The following CNBD2 variants were observed in gnomAD, a reference collection of about 807,000 sequenced individuals.
CNBD2 encodes the protein cyclic nucleotide-binding domain-containing protein 2.
CNBD2 carries 64 observed loss-of-function variants against 63.7 expected under a neutral mutation model. That is an observed-to-expected ratio of 1.00 (90% CI 0.82 to 1.24). The LOEUF (loss-of-function observed/expected upper bound fraction) is 1.24, where lower values mean the gene tolerates loss of function less well. Among genes scored for constraint, CNBD2 ranks in the 50% most tolerant of loss-of-function variants. The probability of loss-of-function intolerance (pLI) is 0.00; values close to 1 mark genes in which losing one functional copy is unlikely to be tolerated. For missense variants in CNBD2, 691 were observed against 713.5 expected (o/e 0.97, Z 0.36); for synonymous variants, 229 against 255.4 (o/e 0.90, Z 0.99).
intron 8 of CNBD2, among the ~76,000 whole-genome samples, chr20:36,007,041 T>C (rs1325145570): frequency 1.3e-5 from 2 of 151,874 alleles, no homozygotes; most frequent in African/African-American, 4.8e-5. Context: ...TACAGAAAAT[T>C]AGCTGGGCGT....
intron 3 of CNBD2, among the ~76,000 whole-genome samples, chr20:35,978,344 AT>A (rs146244036): frequency 6.4e-3 from 881 of 137,066 alleles, no homozygotes; most frequent in Non-Finnish European, 7.2e-3. Context: ...CGCCTGGCTA[AT>A]TTTTTTTTTT....
chr20:35,990,955 T>A (rs1038709571), intron 7 of CNBD2, among the ~76,000 whole-genome samples: 33 of 151,100 alleles, frequency 2.2e-4, no homozygotes, highest in East Asian at 9.7e-4. Context: ...AAAATTAATT[T>A]AAAAAAAAAG....
At chr20:36,001,388 C>T (rs1435954772) in intron 8 of CNBD2, among the ~76,000 whole-genome samples, 2 of 149,414 alleles carry the variant, frequency 1.3e-5, no homozygotes, top group South Asian at 2.1e-4. Context: ...ACCTCCCTCC[C>T]GGACAGGGCG....
At chr20:36,026,994 G>A (rs1466185048) in intron 11 of CNBD2, among the ~76,000 whole-genome samples, 2 of 152,340 alleles carry the variant, frequency 1.3e-5, no homozygotes, top group Middle Eastern at 3.4e-3. Context: ...TTGACTAAAT[G>A]TGATGGGCCA....
At chr20:36,012,817 C>T (rs1223709968) in intron 10 of CNBD2, among the ~76,000 whole-genome samples, 2 of 114,952 alleles carry the variant, frequency 1.7e-5, no homozygotes, top group South Asian at 2.9e-4. Context: ...AGTGAAAATC[C>T]GTCTCAAAAA....
At chr20:35,994,057 T>G (rs8114246) in intron 7 of CNBD2, among the ~76,000 whole-genome samples, 19,918 of 151,262 alleles carry the variant, frequency 0.13, 1,384 homozygotes, top group Middle Eastern at 0.2. Context: ...TTTTGTTTTT[T>G]TTTGTTTGTT....
intron 8 of CNBD2, 107 bp downstream of exon 8, chr20:35,995,259 A>G (rs11905148): frequency 1.4e-4 from 101 of 713,770 alleles, no homozygotes; most frequent in African/African-American, 1.2e-3. Context: ...CTGACAGCGT[A>G]TATCATCTGC....
intron 9 of CNBD2, among the ~76,000 whole-genome samples, chr20:36,009,798 C>T (rs1251781692): frequency 6.6e-6 from 1 of 152,150 alleles, no homozygotes; most frequent in East Asian, 1.9e-4. Context: ...CGCCACTGTA[C>T]TTCAGCCTGT....
intron 8 of CNBD2, among the ~76,000 whole-genome samples, chr20:35,995,714 A>G (rs2056815608): frequency 6.6e-6 from 1 of 152,188 alleles, no homozygotes; most frequent in Admixed American, 6.5e-5. Flanking sequence ...TGTTTTGAAT[A>G]ATGTTGCTAT....
chr20:36,015,773 A>C (rs1347437043), intron 10 of CNBD2, among the ~76,000 whole-genome samples: 1 of 152,220 alleles, frequency 6.6e-6, no homozygotes, highest in Non-Finnish European at 1.5e-5. Context: ...TATTGATATA[A>C]ATGAATTAAT....
intron 9 of CNBD2, among the ~76,000 whole-genome samples, chr20:36,010,379 G>T (rs2057041565): frequency 6.6e-6 from 1 of 151,558 alleles, no homozygotes; most frequent in Non-Finnish European, 1.5e-5. Flanking sequence ...GAAGAATCTA[G>T]GTTGCAGTGA....
rs962557589 is a variant in CNBD2 at position 35,970,791 on chromosome 20, T to C, written c.52-1838T>C. Among the ~76,000 whole-genome samples, 9 of 151,238 alleles carry C rather than the reference T, an allele frequency of 6.0e-5. No homozygotes were observed. In the South Asian group the frequency reaches 6.3e-4, roughly 11 times the overall value. On this transcript the variant is annotated intron_variant, in intron 1 of 11. Coordinates refer to ENST00000373973, the MANE Select transcript of CNBD2 (RefSeq NM_001365709.1). ...AGTGCAGTGGCACGATCATAGCTCA[T>C]TGCAACCTTGAACTCCTGGGCTCAA...
intron 8 of CNBD2, among the ~76,000 whole-genome samples, chr20:36,004,110 G>C (rs758551190): frequency 2.6e-5 from 4 of 152,118 alleles, no homozygotes; most frequent in Non-Finnish European, 5.9e-5. Flanking sequence ...CCTAATGTCA[G>C]AAATAAAATC....
At chr20:35,959,887 A>G (rs1333987392), downstream of CNBD2, among the ~76,000 whole-genome samples, 2 of 152,388 alleles carry the variant, frequency 1.3e-5, no homozygotes, top group South Asian at 2.1e-4. Context: ...TTTGTGTTTT[A>G]GGAGACTCAG....
chr20:35,968,645 G>A lies in CNBD2; in HGVS notation c.-118G>A. On this transcript the variant is annotated 5_prime_UTR_variant, in exon 1 of 12. Transcript: ENST00000373973. ...GTAGGAGGAGTGGAGTGGAGCTCTT[G>A]CCTTGTTACTGAGGAAATCTATTTG... 1.4e-6 allele frequency: 1 copy of A among 696,780 alleles called. No individual in the cohort carries two copies. The highest frequency in any genetic ancestry group is 2.5e-6 in the Non-Finnish European group (1 of 400,886). The allele number at this position is 696,780 out of a possible 1,614,324, so 43.2% of individuals were successfully genotyped here.
chr20:36,005,571 T>G (rs184385290), intron 8 of CNBD2, among the ~76,000 whole-genome samples: 1 of 152,270 alleles, frequency 6.6e-6, no homozygotes, highest in East Asian at 1.9e-4. Context: ...GAAGTGCCTT[T>G]CCGAAAGATC....
downstream of CNBD2, among the ~76,000 whole-genome samples, chr20:35,958,466 T>G (rs2056279037): frequency 6.6e-6 from 1 of 152,164 alleles, no homozygotes; most frequent in Non-Finnish European, 1.5e-5. Flanking sequence ...TGGAAATAAT[T>G]ATAGATTCAT....
intron 11 of CNBD2, among the ~76,000 whole-genome samples, chr20:36,025,720 CTTT>C (rs1199776759): frequency 6.6e-6 from 1 of 151,888 alleles, no homozygotes; most frequent in Non-Finnish European, 1.5e-5. Context: ...GAACAAATAA[CTTT>C]TTTAAGTGTA....
At chr20:36,022,144 G>A (rs1000006990) in intron 10 of CNBD2, among the ~76,000 whole-genome samples, 5 of 150,020 alleles carry the variant, frequency 3.3e-5, no homozygotes, top group Non-Finnish European at 7.4e-5. Context: ...AAGTAGCTGG[G>A]ATTACAGGCA....
Sources: allele counts gnomAD v4.1 joint callset (sites outside exome capture counted in the v4.1 genomes callset), GRCh38; gene constraint gnomAD v4.1.1; transcripts MANE v1.5; gene names NCBI Gene and HGNC (gene_info 2026-07-23, HGNC 2026-07-21).